The following CDC42BPA variants were observed in gnomAD, a reference collection of about 807,000 sequenced individuals.
The protein encoded by CDC42BPA is CDC42 binding protein kinase alpha.
A neutral mutation model predicts 223.5 loss-of-function variants in CDC42BPA; 80 were observed. That is an observed-to-expected ratio of 0.36 (90% CI 0.30 to 0.43). The LOEUF is 0.43. Among genes scored for constraint, CDC42BPA ranks in the 20% least tolerant of loss-of-function variants. The pLI is 1.00. For synonymous variants in CDC42BPA, 694 were observed against 718.6 expected (o/e 0.97, Z 0.55); for missense variants, 1,743 against 2,099.9 (o/e 0.83, Z 3.32).
At chr1:227,247,199 C>CA (rs953896219) in intron 2 of CDC42BPA, among the ~76,000 whole-genome samples, 74 of 146,616 alleles carry the variant, frequency 5.0e-4, no homozygotes, top group East Asian at 1.2e-3. Context: ...GACTTTGTCT[C>CA]AAAAAAAAGC....
At chr1:227,049,099 T>C (rs1673038393) in intron 22 of CDC42BPA, among the ~76,000 whole-genome samples, 1 of 151,990 alleles carries the variant, frequency 6.6e-6, no homozygotes, top group South Asian at 2.1e-4. Context: ...AAACCAAACT[T>C]ATAATTTAAC....
chr1:227,155,424 C>T (rs1032140746), intron 6 of CDC42BPA, among the ~76,000 whole-genome samples: 5 of 152,176 alleles, frequency 3.3e-5, no homozygotes, highest in Admixed American at 1.3e-4. Flanking sequence ...GAACCTTCCT[C>T]AGGCAGCTAT....
intron 22 of CDC42BPA, among the ~76,000 whole-genome samples, chr1:227,049,500 G>C (rs1673110267): frequency 6.6e-6 from 1 of 151,978 alleles, no homozygotes; most frequent in South Asian, 2.1e-4. Context: ...TCCTCAAATA[G>C]ATCTATACAT....
At chr1:227,301,400 G>A (rs1030032360) in intron 1 of CDC42BPA, among the ~76,000 whole-genome samples, 5 of 149,464 alleles carry the variant, frequency 3.3e-5, no homozygotes, top group South Asian at 2.1e-4. Context: ...TCACTCTGTC[G>A]CCAAGCTAGA....
intron 10 of CDC42BPA, among the ~76,000 whole-genome samples, chr1:227,137,790 A>G (rs183262512): frequency 6.6e-6 from 1 of 152,116 alleles, no homozygotes; most frequent in Non-Finnish European, 1.5e-5. Flanking sequence ...CATTTATATG[A>G]AGATCAAAAA....
At chr1:227,139,442 C>A in intron 10 of CDC42BPA, 134 bp downstream of exon 10, 1 of 563,324 alleles carries the variant, frequency 1.8e-6, no homozygotes, top group Non-Finnish European at 3.0e-6. Context: ...CTGTGTTCTG[C>A]ATACATCTCT....
intron 2 of CDC42BPA, among the ~76,000 whole-genome samples, chr1:227,241,637 TAAAACTC>T (rs1680037900): frequency 6.6e-6 from 1 of 152,124 alleles, no homozygotes; most frequent in African/African-American, 2.4e-5. Context: ...AATCTACAGT[TAAAACTC>T]AGAACAGCGG....
chr1:227,044,891 T>C (rs1256411635), intron 23 of CDC42BPA, among the ~76,000 whole-genome samples: 7 of 152,204 alleles, frequency 4.6e-5, no homozygotes, highest in Admixed American at 4.6e-4. Flanking sequence ...CCCTCGACTT[T>C]TACCTTTCTG....
intron 21 of CDC42BPA, among the ~76,000 whole-genome samples, chr1:227,058,483 T>C (rs1675061285): frequency 6.6e-6 from 1 of 152,208 alleles, no homozygotes; most frequent in African/African-American, 2.4e-5. Flanking sequence ...ACATTACGAA[T>C]TTGTATCCAT....
At chr1:227,208,122 A>G (rs1381788582) in intron 3 of CDC42BPA, among the ~76,000 whole-genome samples, 1 of 138,168 alleles carries the variant, frequency 7.2e-6, no homozygotes, top group Non-Finnish European at 1.6e-5. Flanking sequence ...GCCAGTGATG[A>G]CGAGCATTTT....
At chr1:227,160,295 G>T (rs1015279015) in intron 6 of CDC42BPA, among the ~76,000 whole-genome samples, 6 of 152,080 alleles carry the variant, frequency 3.9e-5, no homozygotes, top group Non-Finnish European at 7.4e-5. Flanking sequence ...AGCAAACAAG[G>T]GTCTCATAAA....
At position 226,997,194 on chromosome 1, in the gene CDC42BPA, T is replaced by C. The variant is rs184792003; in HGVS notation, c.4976-2214A>G. Among the ~76,000 whole-genome samples the C allele has an allele frequency of 6.6e-5, 10 of 152,370 alleles. No individual in the cohort carries two copies. In the East Asian group the frequency reaches 1.7e-3, roughly 26 times the overall value. On this transcript the variant is annotated intron_variant, in intron 35 of 36. Transcript: ENST00000366766. ...CCTGGTTTAGACTTGGGAAGGTGTA[T>C]GTGTCCAGGAATTTATCCATTTCTT...
intron 2 of CDC42BPA, among the ~76,000 whole-genome samples, chr1:227,220,604 T>C (rs1675729457): frequency 6.6e-6 from 1 of 152,006 alleles, no homozygotes; most frequent in Non-Finnish European, 1.5e-5. Flanking sequence ...CAGCAATTAA[T>C]GACCTGGTTG....
chr1:227,265,755 C>T (rs1238905728), intron 1 of CDC42BPA, among the ~76,000 whole-genome samples: 1 of 151,962 alleles, frequency 6.6e-6, no homozygotes, highest in African/African-American at 2.4e-5. Flanking sequence ...ACTAGAAATA[C>T]TAATACATAA....
chr1:227,158,995 C>A (rs1487378854), intron 6 of CDC42BPA, among the ~76,000 whole-genome samples: 1 of 152,090 alleles, frequency 6.6e-6, no homozygotes, highest in African/African-American at 2.4e-5. Context: ...GAATACCTCA[C>A]GAGTTCATTT....
chr1:227,145,942 A>G (rs559717361), intron 7 of CDC42BPA, among the ~76,000 whole-genome samples: 5 of 152,280 alleles, frequency 3.3e-5, no homozygotes, highest in Admixed American at 2.6e-4. Flanking sequence ...TATATGACTC[A>G]ATCATGCATG....
At chr1:227,112,631 A>G in intron 13 of CDC42BPA, 40 bp downstream of exon 13, 1 of 1,581,044 alleles carries the variant, frequency 6.3e-7, no homozygotes, top group Non-Finnish European at 8.6e-7. Context: ...AGCTTTAATC[A>G]CTATCCCATG....
intron 3 of CDC42BPA, among the ~76,000 whole-genome samples, chr1:227,211,427 A>G (rs373467203): frequency 3.3e-4 from 51 of 152,282 alleles, no homozygotes; most frequent in African/African-American, 1.2e-3. Flanking sequence ...AAAAATCATT[A>G]TATCAAAAAG....
chr1:227,013,932 G>C (rs1332973545), intron 34 of CDC42BPA, among the ~76,000 whole-genome samples: 1 of 152,000 alleles, frequency 6.6e-6, no homozygotes, highest in African/African-American at 2.4e-5. Context: ...CACAGCACTT[G>C]ACTTATCAAA....
Sources: allele counts gnomAD v4.1 joint callset (sites outside exome capture counted in the v4.1 genomes callset), GRCh38; gene constraint gnomAD v4.1.1; transcripts MANE v1.5; gene names NCBI Gene and HGNC (gene_info 2026-07-23, HGNC 2026-07-21).